GGTA1: variants seen among roughly 807,000 people sequenced by gnomAD.
GGTA1 encodes inactive N-acetyllactosaminide alpha-1,3-galactosyltransferase.
In GGTA1, 5 loss-of-function variants were observed where a neutral mutation model predicts 2.6. The ratio of observed to expected loss-of-function variants is 1.92; its 90% CI spans 1.00 to 4.04. GGTA1 has a LOEUF of 4.04. Ranked by LOEUF, GGTA1 falls within the 30% of genes most tolerant of loss-of-function variation. The pLI, the probability that GGTA1 is intolerant of heterozygous loss-of-function variation, is 0.00. For synonymous variants in GGTA1, 17 were observed against 5.0 expected, an observed-to-expected ratio of 3.38 and a Z score of -3.19; for missense variants, 50 against 16.7, an observed-to-expected ratio of 2.99 and a Z score of -3.47.
intron 1 of GGTA1, chr9:121,494,922 CTTTTT>C: frequency 8.8e-6 from 1 of 113,210 alleles, no homozygotes. Flanking sequence ...CTACATCATT[CTTTTT>C]TTTTTTTTTT....
chr9:121,452,451 C>T (rs932514921), downstream of GGTA1, among the ~76,000 whole-genome samples: 5 of 152,100 alleles, frequency 3.3e-5, no homozygotes, highest in African/African-American at 1.2e-4. Context: ...GCAGGGGTAG[C>T]ATCTTCTGGG....
At chr9:121,449,757 C>T (rs931888238) in intron 7 of GGTA1, among the ~76,000 whole-genome samples, 15 of 140,972 alleles carry the variant, frequency 1.1e-4, no homozygotes, top group Admixed American at 2.3e-4. Context: ...GGAGAATTGC[C>T]GGAACCTGGG....
intron 1 of GGTA1, among the ~76,000 whole-genome samples, chr9:121,488,880 G>C (rs1248713611): frequency 3.3e-5 from 5 of 152,190 alleles, no homozygotes; most frequent in Non-Finnish European, 5.9e-5. Flanking sequence ...CTGCACTGCA[G>C]CCTGGGCAAC....
intron 1 of GGTA1, among the ~76,000 whole-genome samples, chr9:121,477,732 C>G (rs571533789): frequency 6.6e-6 from 1 of 152,050 alleles, no homozygotes; most frequent in South Asian, 2.1e-4. Context: ...CCCGCCACCA[C>G]GCCCAGCTAA....
intron 1 of GGTA1, among the ~76,000 whole-genome samples, chr9:121,487,513 T>G (rs2118756503): frequency 7.2e-6 from 1 of 138,330 alleles, no homozygotes; most frequent in South Asian, 2.4e-4. Context: ...GAGGCAGAGG[T>G]TGCAGTGACC....
intron 3 of GGTA1, among the ~76,000 whole-genome samples, chr9:121,461,912 G>A (rs1028731137): frequency 6.6e-6 from 1 of 152,252 alleles, no homozygotes; most frequent in African/African-American, 2.4e-5. Flanking sequence ...CCAAAGGTTA[G>A]CAGTAACAGC....
downstream of GGTA1, chr9:121,452,125 T>C (rs1365413622): frequency 6.6e-6 from 1 of 152,598 alleles, no homozygotes; most frequent in Non-Finnish European, 1.5e-5. Flanking sequence ...TCAAGGACAG[T>C]TTTATCAGTG....
downstream of GGTA1, among the ~76,000 whole-genome samples, chr9:121,452,498 G>A (rs1204506837): frequency 6.6e-6 from 1 of 151,864 alleles, no homozygotes; most frequent in Non-Finnish European, 1.5e-5. Flanking sequence ...TGCCTCTGAG[G>A]GCTATCTTTT....
At chr9:121,457,451 A>T (rs2064921155) in intron 5 of GGTA1, among the ~76,000 whole-genome samples, 1 of 152,188 alleles carries the variant, frequency 6.6e-6, no homozygotes, top group South Asian at 2.1e-4. Context: ...CCGTAATCCC[A>T]GCACTTTGGG....
intron 5 of GGTA1, among the ~76,000 whole-genome samples, chr9:121,457,314 A>C (rs1305361398): frequency 1.3e-5 from 2 of 152,330 alleles, no homozygotes; most frequent in East Asian, 1.9e-4. Context: ...CACAGCTCAA[A>C]GGCAAAATCT....
intron 1 of GGTA1, among the ~76,000 whole-genome samples, chr9:121,470,708 A>G (rs1313282343): frequency 6.6e-6 from 1 of 152,192 alleles, no homozygotes; most frequent in Non-Finnish European, 1.5e-5. Context: ...TAGCCTTGGG[A>G]AGGAATTTAG....
chr9:121,480,213 G>A (rs917768110), intron 1 of GGTA1, among the ~76,000 whole-genome samples: 2 of 151,730 alleles, frequency 1.3e-5, no homozygotes, highest in African/African-American at 4.8e-5. Context: ...ATGCCACCAC[G>A]CCCAGCTGAT....
chr9:121,467,568 T>C (rs2118693266), intron 2 of GGTA1, among the ~76,000 whole-genome samples: 1 of 152,364 alleles, frequency 6.6e-6, no homozygotes, highest in Non-Finnish European at 1.5e-5. Flanking sequence ...GGGCCTAATT[T>C]GATCTCATTT....
At chr9:121,497,444 G>C (rs553510812) in intron 1 of GGTA1, among the ~76,000 whole-genome samples, 3 of 152,070 alleles carry the variant, frequency 2.0e-5, no homozygotes, top group African/African-American at 7.2e-5. Flanking sequence ...ACCAACCTTA[G>C]AGCCAGAACT....
intron 5 of GGTA1, among the ~76,000 whole-genome samples, chr9:121,456,684 G>C (rs2118758699): frequency 6.6e-6 from 1 of 152,126 alleles, no homozygotes; most frequent in South Asian, 2.1e-4. Flanking sequence ...CCAAAGTGCT[G>C]GGATTACAGG....
chr9:121,460,217 A>C lies in GGTA1; in HGVS notation c.185T>G (p.Ile62Ser), dbSNP rs1411552507. The change falls in exon 5 of 6, where the codon ATC becomes AGC. Residue 62 changes from isoleucine to serine, a missense_variant and splice_region_variant. Transcript: ENST00000481799. The part of the protein sequence containing the change: ...WWFLSWFNNG[I>S]HNYQQGEEDI... ...TTCTTCCCCTTGTTGATAATTGTGG[A>C]TCCTAAGTACAAAGGGAAAGTAAAC... 1 of 456,870 alleles carries C rather than the reference A, an allele frequency of 2.2e-6. No homozygotes were observed. The highest frequency in any genetic ancestry group is 2.0e-5 in the African/African-American group (1 of 49,962). The allele number at this position is 456,870 out of a possible 1,614,324, so 28.3% of individuals were successfully genotyped here.
intron 1 of GGTA1, among the ~76,000 whole-genome samples, chr9:121,496,718 C>T (rs1389843781): frequency 3.1e-5 from 2 of 65,400 alleles, no homozygotes; most frequent in Non-Finnish European, 6.0e-5. Flanking sequence ...AGTGACAGAG[C>T]AAGGCTCCAT....
rs920860822 is a variant in GGTA1 at position 121,458,491 on chromosome 9, G to A, written c.298+1613C>T. Among the ~76,000 whole-genome samples, 113 of 152,022 alleles carry A rather than the reference G, an allele frequency of 7.4e-4. 1 individual carries two copies. The highest frequency in any genetic ancestry group is 2.5e-3 in the African/African-American group (105 of 41,514). Reference sequence around the variant, plus strand: ...AAAATACAAAAATTAGCCAGGCGTGGTGGCGCATGCCTGTAGTCCCAGCTG... The same window carrying A: ...AAAATACAAAAATTAGCCAGGCGTGATGGCGCATGCCTGTAGTCCCAGCTG... On this transcript the variant is annotated intron_variant, in intron 5 of 5. Coordinates refer to ENST00000481799, the MANE Select transcript of GGTA1 (RefSeq NM_001382585.1).
chr9:121,451,156 A>G (rs142737856), downstream of GGTA1, among the ~76,000 whole-genome samples: 180 of 152,292 alleles, frequency 1.2e-3, 5 homozygotes, highest in Admixed American at 9.5e-3. Context: ...AAAATGGATT[A>G]TCTTTAATAA....
Sources: gnomAD v4.1 joint callset for allele counts (sites outside exome capture counted in the v4.1 genomes callset) on GRCh38, gnomAD v4.1.1 for gene constraint, MANE v1.5 for transcripts, NCBI Gene and HGNC (gene_info 2026-07-23, HGNC 2026-07-21) for gene names.